The following ANKRD29 variants were observed in gnomAD, a reference collection of about 807,000 sequenced individuals.
ANKRD29 encodes ankyrin repeat domain 29.
In ANKRD29, 32 loss-of-function variants were observed where a neutral mutation model predicts 38.0. That is an observed-to-expected ratio of 0.84 (90% CI 0.64 to 1.13). ANKRD29 has a LOEUF of 1.13. Among genes scored for constraint, ANKRD29 ranks in the 50% most tolerant of loss-of-function variants. ANKRD29 has a pLI of 0.00. For missense variants in ANKRD29, 357 were observed against 377.9 expected, an observed-to-expected ratio of 0.94 and a Z score of 0.46; for synonymous variants, 135 against 152.4, an observed-to-expected ratio of 0.89 and a Z score of 0.84.
In ANKRD29 at chr18:23,649,174, T is replaced by A. The variant is rs369886446; in HGVS notation, c.41A>T (p.Asn14Ile). 1 of 1,613,700 alleles carries A rather than the reference T, an allele frequency of 6.2e-7. No individual in the cohort carries two copies. Among genetic ancestry groups the A allele is most frequent in the Admixed American group, 1.7e-5 (1 of 59,894 alleles). Residue 14 changes from asparagine to isoleucine, a missense_variant, in exon 2 of 10, where the codon AAT (asparagine) becomes ATT (isoleucine). Physicochemically the swap from Asn to Ile is moderately radical, Grantham distance 149. Coordinates refer to ENST00000592179, the MANE Select transcript of ANKRD29 (RefSeq NM_173505.4). The part of the protein sequence containing the change: ...MSFKKETPLA[N>I]AAFWAARRGN... ...TCTCCTGGCTGCCCAGAATGCAGCA[T>A]TGGCAAGTGGAGTTTCCTTCTGCAA...
chr18:23,648,901 C>T lies in ANKRD29; in HGVS notation c.132+182G>A, dbSNP rs1402653214. On this transcript the variant is annotated intron_variant, in intron 2 of 9. Coordinates refer to ENST00000592179, the MANE Select transcript of ANKRD29 (RefSeq NM_173505.4). ...TGCATTTCATTGTTTCCTTTTCTTT[C>T]TGACTTCCCCCAGCATGTTTTTAAG... 9.7e-6 allele frequency: 5 copies of T among 516,054 alleles called. No homozygotes were observed. In the South Asian group the frequency reaches 1.4e-4, roughly 15 times the overall value. The allele number at this position is 516,054 out of a possible 1,614,324, so 32.0% of individuals were successfully genotyped here.
At position 23,649,662 on chromosome 18, in the gene ANKRD29, T is replaced by C. The variant is rs577175707; in HGVS notation, c.22-469A>G. The C allele has an allele frequency of 7.0e-6, 3 of 428,138 alleles. 1 individual carries two copies. Among genetic ancestry groups the C allele is most frequent in the South Asian group, 3.3e-5 (2 of 59,760 alleles). The allele number at this position is 428,138 out of a possible 1,614,324, so 26.5% of individuals were successfully genotyped here. A position where few individuals can be genotyped will look rare whatever the true frequency, so the allele number is the denominator to read the frequency against. ...ACCTGCCCGTTTCCTAAGCCCTCAA[T>C]GCTTTCTATCTGATTCCAACTACCT... On this transcript the variant is annotated intron_variant, in intron 1 of 9. Coordinates refer to ENST00000592179, the MANE Select transcript of ANKRD29 (RefSeq NM_173505.4).
intron 8 of ANKRD29, among the ~76,000 whole-genome samples, chr18:23,616,563 TAC>T (rs59206877): frequency 4.4e-5 from 6 of 137,826 alleles, no homozygotes; most frequent in African/African-American, 8.7e-5. Context: ...TATATATATA[TAC>T]ACTATATATA....
At position 23,629,868 on chromosome 18, in the gene ANKRD29, G is replaced by A; in HGVS notation, c.513C>T (p.Val171=). Residue 171 remains valine, a synonymous_variant, in exon 6 of 10, where the codon GTC becomes GTT. Transcript: ENST00000592179. ...TGGACATTACCTGCCTTGGCTGGTT[G>A]ACTTTTGCTCCTGAAGCCAGCAGTA... ...IRLLLASGAK[V]NQPRQDGTAP... is the part of the protein sequence containing the mutation. The A allele has an allele frequency of 1.2e-6, 2 of 1,614,026 alleles. No homozygotes were observed. Among genetic ancestry groups the A allele is most frequent in the Non-Finnish European group, 1.7e-6 (2 of 1,180,008 alleles).
chr18:23,652,599 C>G (rs962594188), intron 1 of ANKRD29, among the ~76,000 whole-genome samples: 3 of 152,212 alleles, frequency 2.0e-5, no homozygotes, highest in Non-Finnish European at 2.9e-5. Flanking sequence ...GATATGCACA[C>G]AATCATAAAT....
At chr18:23,608,098 A>G (rs762071415) in intron 9 of ANKRD29, among the ~76,000 whole-genome samples, 2 of 152,102 alleles carry the variant, frequency 1.3e-5, no homozygotes, top group Admixed American at 6.6e-5. Flanking sequence ...TACAGCTGTC[A>G]CTCCATATTG....
intron 1 of ANKRD29, among the ~76,000 whole-genome samples, chr18:23,657,206 C>A (rs2060295759): frequency 6.6e-6 from 1 of 152,360 alleles, no homozygotes; most frequent in African/African-American, 2.4e-5. Context: ...AGCCTCCTTT[C>A]TACCTACCCC....
At chr18:23,629,478 G>A (rs148427737) in intron 6 of ANKRD29, among the ~76,000 whole-genome samples, 269 of 152,328 alleles carry the variant, frequency 1.8e-3, no homozygotes, top group Non-Finnish European at 2.8e-3. Context: ...TTATCAGCAG[G>A]GGCCAGGCTA....
intron 1 of ANKRD29, 25 bp from the exon 2 acceptor site, chr18:23,649,218 T>C: frequency 6.4e-7 from 1 of 1,571,674 alleles, no homozygotes. Flanking sequence ...TGAAACAGGA[T>C]CTTAAAATTG....
intron 9 of ANKRD29, among the ~76,000 whole-genome samples, chr18:23,605,557 C>T (rs1306900563): frequency 8.6e-5 from 13 of 151,818 alleles, no homozygotes; most frequent in Non-Finnish European, 4.4e-5. Flanking sequence ...GACAGAGTCT[C>T]GCTCCGTCAC....
chr18:23,622,644 G>GCAA (rs1339926728), intron 6 of ANKRD29, among the ~76,000 whole-genome samples: 2 of 152,064 alleles, frequency 1.3e-5, no homozygotes, highest in African/African-American at 4.8e-5. Context: ...TCAGATCACT[G>GCAA]CAACCTCCAC....
intron 1 of ANKRD29, among the ~76,000 whole-genome samples, chr18:23,652,523 G>A (rs72886275): frequency 0.024 from 3,622 of 152,128 alleles, 54 homozygotes; most frequent in Middle Eastern, 0.1. Context: ...AGTCCCCAAC[G>A]TTCCTTCTGT....
chr18:23,608,501 T>C (rs1197487352), intron 9 of ANKRD29, among the ~76,000 whole-genome samples: 57 of 152,248 alleles, frequency 3.7e-4, no homozygotes, highest in Admixed American at 3.7e-3. Context: ...TGCTGGTGAT[T>C]ATTCCATTAT....
Position 23,638,782 on chromosome 18 carries a change from G to A in ANKRD29, c.330+67C>T, listed in dbSNP as rs2276262. The A allele has an allele frequency of 2.1e-5, 27 of 1,259,122 alleles. No individual in the cohort carries two copies. In the East Asian group the frequency reaches 6.2e-4, roughly 29 times the overall value. 78.0% of individuals were successfully genotyped at this position (1,259,122 alleles called of 1,614,324 possible). ...AACATAAATTCGTACCATAGATGAG[G>A]AGAAAAGCAATACCCATGGCTGCTG... On this transcript the variant is annotated intron_variant, in intron 4 of 9. Transcript: ENST00000592179.
intron 1 of ANKRD29, among the ~76,000 whole-genome samples, chr18:23,657,601 C>T (rs924828879): frequency 2.6e-5 from 4 of 152,210 alleles, no homozygotes; most frequent in African/African-American, 9.6e-5. Context: ...TCCTCTTCCC[C>T]AGCCCCTGGC....
At chr18:23,646,629 T>G (rs921516987) in intron 2 of ANKRD29, 1 of 175,220 alleles carries the variant, frequency 5.7e-6, no homozygotes. Context: ...AGCCAAAACA[T>G]TGCTATTAAT....
chr18:23,638,013 T>TTTTTG (rs2060024665), intron 4 of ANKRD29, among the ~76,000 whole-genome samples: 1 of 148,388 alleles, frequency 6.7e-6, no homozygotes, highest in South Asian at 2.2e-4. Flanking sequence ...TTTTTTTTTT[T>TTTTTG]TTGAGACAGA....
At chr18:23,651,049 C>A (rs1339939963) in intron 1 of ANKRD29, among the ~76,000 whole-genome samples, 2 of 152,042 alleles carry the variant, frequency 1.3e-5, no homozygotes, top group Non-Finnish European at 2.9e-5. Context: ...AAAGAAAATA[C>A]CAACAATTTC....
intron 7 of ANKRD29, among the ~76,000 whole-genome samples, chr18:23,619,024 G>C (rs1030761520): frequency 6.6e-6 from 1 of 152,220 alleles, no homozygotes; most frequent in African/African-American, 2.4e-5. Context: ...AGGTGGTCAG[G>C]TTCTCTTCAA....
Sources: gnomAD v4.1 joint callset for allele counts (sites outside exome capture counted in the v4.1 genomes callset) on GRCh38, gnomAD v4.1.1 for gene constraint, MANE v1.5 for transcripts, NCBI Gene and HGNC (gene_info 2026-07-23, HGNC 2026-07-21) for gene names.